Variants in SMAP1 observed in about 807,000 individuals in gnomAD.
SMAP1 encodes stromal membrane-associated protein 1.
Under a neutral mutation model 58.5 loss-of-function variants are expected in SMAP1, and 24 were observed. The ratio of observed to expected loss-of-function variants is 0.41; its 90% CI spans 0.30 to 0.58. The LOEUF (loss-of-function observed/expected upper bound fraction) is 0.58. Ranked by LOEUF, SMAP1 falls within the 20% of genes least tolerant of loss-of-function variation. SMAP1 has a pLI of 0.29. For synonymous variants in SMAP1, 216 were observed against 196.6 expected, an observed-to-expected ratio of 1.10 and a Z score of -0.82; for missense variants, 563 against 566.3, an observed-to-expected ratio of 0.99 and a Z score of 0.06.
chr6:70,807,825 C>T (rs1279250037), intron 6 of SMAP1, among the ~76,000 whole-genome samples: 1 of 152,032 alleles, frequency 6.6e-6, no homozygotes, highest in Non-Finnish European at 1.5e-5. Flanking sequence ...GTGGCCCTTA[C>T]CCCCACTGTG....
In SMAP1 at chr6:70,750,448, GTAAAA is replaced by G. The variant is rs570870822; in HGVS notation, c.253-4529_253-4525del. 5.3e-5 allele frequency among the ~76,000 whole-genome samples: 8 copies of G among 152,242 alleles called. No homozygotes were observed. The South Asian group carries it at 1.7e-3, about 32-fold the overall frequency. ...ACAGCCCCAATTCTCTTCAGTCTCT[GTAAAA>G]TATAAATGACTTAAAATTGTTTTAG... On this transcript the variant is annotated intron_variant, in intron 2 of 10. Transcript: ENST00000370455.
chr6:70,674,316 T>A (rs1013728260), intron 1 of SMAP1, among the ~76,000 whole-genome samples: 3 of 152,132 alleles, frequency 2.0e-5, no homozygotes, highest in African/African-American at 7.2e-5. Context: ...TTTCGTCATG[T>A]TGCCCAGGCT....
chr6:70,856,826 G>A, intron 8 of SMAP1, 33 bp from the exon 9 acceptor site: 2 of 1,565,646 alleles, frequency 1.3e-6, no homozygotes, highest in Non-Finnish European at 1.7e-6. Context: ...TTACTATGCA[G>A]AATTTGATAG....
At chr6:70,759,018 T>C (rs553803968) in intron 3 of SMAP1, among the ~76,000 whole-genome samples, 2 of 152,178 alleles carry the variant, frequency 1.3e-5, no homozygotes, top group African/African-American at 2.4e-5. Flanking sequence ...TACATTCAGA[T>C]TGAGGAGTCG....
intron 6 of SMAP1, among the ~76,000 whole-genome samples, chr6:70,825,445 A>G (rs529951872): frequency 6.6e-6 from 1 of 152,144 alleles, no homozygotes; most frequent in Admixed American, 6.5e-5. Flanking sequence ...TTCTCTGCAA[A>G]CCTCCAGAAT....
intron 6 of SMAP1, among the ~76,000 whole-genome samples, chr6:70,828,915 G>A (rs920016264): frequency 1.3e-5 from 2 of 152,112 alleles, no homozygotes; most frequent in Non-Finnish European, 2.9e-5. Context: ...GCATGGCGGT[G>A]CATGCCTATA....
chr6:70,857,170 C>A, intron 9 of SMAP1, 140 bp downstream of exon 9: 5 of 747,654 alleles, frequency 6.7e-6, no homozygotes, highest in East Asian at 3.1e-5. Context: ...ACTATGAAGC[C>A]GAAATGAATG....
At chr6:70,837,696 T>A in intron 7 of SMAP1, 4 of 727,140 alleles carry the variant, frequency 5.5e-6, no homozygotes, top group Non-Finnish European at 7.0e-6. Context: ...TTTTTTCTTC[T>A]AAAAGAATTG....
chr6:70,780,181 C>G (rs906613274), intron 4 of SMAP1, among the ~76,000 whole-genome samples: 1 of 152,156 alleles, frequency 6.6e-6, no homozygotes, highest in Non-Finnish European at 1.5e-5. Flanking sequence ...ATTTTAGTGG[C>G]TGTCAGAATT....
intron 6 of SMAP1, among the ~76,000 whole-genome samples, chr6:70,820,914 A>G (rs1016466403): frequency 4.6e-5 from 7 of 152,144 alleles, no homozygotes; most frequent in African/African-American, 1.7e-4. Context: ...TCATACGTAA[A>G]TAAACTAATT....
At chr6:70,860,072 C>A in intron 10 of SMAP1, 128 bp from the exon 11 acceptor site, 1 of 1,031,982 alleles carries the variant, frequency 9.7e-7, no homozygotes, top group Non-Finnish European at 1.4e-6. Flanking sequence ...TTGTATGGTA[C>A]TCTGTTTTTA....
chr6:70,783,317 A>G (rs190052887), intron 4 of SMAP1, among the ~76,000 whole-genome samples: 3 of 152,328 alleles, frequency 2.0e-5, no homozygotes, highest in Admixed American at 6.5e-5. Context: ...ACCATCATCA[A>G]AGACCAAAAG....
chr6:70,840,559 TGAGCATGCTTGTGTTCC>T (rs1404980458), intron 7 of SMAP1, among the ~76,000 whole-genome samples: 2 of 152,186 alleles, frequency 1.3e-5, no homozygotes, highest in African/African-American at 2.4e-5. Context: ...TGTAAATGAA[TGAGCATGCTTGTGTTCC>T]GATCATGCTT....
Position 70,832,388 on chromosome 6 carries a change from G to A in SMAP1, c.577-4553G>A, listed in dbSNP as rs187496358. Among the ~76,000 whole-genome samples the A allele has an allele frequency of 2.6e-5, 4 of 152,220 alleles. No individual in the cohort carries two copies. In the East Asian group the frequency reaches 7.7e-4, roughly 29 times the overall value. On this transcript the variant is annotated intron_variant, in intron 6 of 10. Coordinates refer to ENST00000370455, the MANE Select transcript of SMAP1 (RefSeq NM_001044305.3). Reference sequence around the variant, plus strand: ...TTGGGTTTAAATGTACAATGTAATGGAATAAAACACAACACCTAGCTATTT... The same window carrying A: ...TTGGGTTTAAATGTACAATGTAATGAAATAAAACACAACACCTAGCTATTT...
At chr6:70,841,911 C>CTA (rs1770821416) in intron 7 of SMAP1, among the ~76,000 whole-genome samples, 1 of 152,150 alleles carries the variant, frequency 6.6e-6, no homozygotes, top group South Asian at 2.1e-4. Flanking sequence ...ACAGAAGATT[C>CTA]CTACAGAGAA....
Position 70,823,224 on chromosome 6 carries a change from G to A in SMAP1, c.577-13717G>A, listed in dbSNP as rs554153028. On this transcript the variant is annotated intron_variant, in intron 6 of 10. Transcript: ENST00000370455. Reference sequence around the variant, plus strand: ...GAAAGCTAGACATGATGTAGTGGGTGAAAGGAACTCAGATAAATAGGACTT... The same window carrying A: ...GAAAGCTAGACATGATGTAGTGGGTAAAAGGAACTCAGATAAATAGGACTT... 9.2e-5 allele frequency among the ~76,000 whole-genome samples: 14 copies of A among 152,268 alleles called. No homozygotes were observed. The East Asian group carries it at 2.3e-3, about 25-fold the overall frequency.
At chr6:70,839,920 C>G (rs776003874) in intron 7 of SMAP1, among the ~76,000 whole-genome samples, 5 of 152,086 alleles carry the variant, frequency 3.3e-5, no homozygotes, top group Non-Finnish European at 5.9e-5. Context: ...TCAAAACAAA[C>G]AGTGGTTCTA....
chr6:70,677,638 A>G (rs1003339231), intron 1 of SMAP1, among the ~76,000 whole-genome samples: 1 of 143,784 alleles, frequency 7.0e-6, no homozygotes, highest in Non-Finnish European at 1.5e-5. Flanking sequence ...TGTGACTTCT[A>G]TGTCAGTGTT....
At chr6:70,746,961 T>G (rs917668959) in intron 2 of SMAP1, among the ~76,000 whole-genome samples, 1 of 152,192 alleles carries the variant, frequency 6.6e-6, no homozygotes, top group African/African-American at 2.4e-5. Flanking sequence ...GTACAGGAAG[T>G]TGTTAGGTGG....
Sources: gnomAD v4.1 joint callset for allele counts (sites outside exome capture counted in the v4.1 genomes callset) on GRCh38, gnomAD v4.1.1 for gene constraint, MANE v1.5 for transcripts, NCBI Gene and HGNC (gene_info 2026-07-23, HGNC 2026-07-21) for gene names.